AP4E1: variants seen among roughly 807,000 people sequenced by gnomAD.
AP4E1 encodes the protein adaptor related protein complex 4 subunit epsilon 1.
Under a neutral mutation model 128.2 loss-of-function variants are expected in AP4E1, and 56 were observed. The ratio of observed to expected loss-of-function variants is 0.44; its 90% CI spans 0.35 to 0.55. AP4E1 has a LOEUF of 0.55. Ranked by LOEUF, AP4E1 falls within the 20% of genes least tolerant of loss-of-function variation. The pLI is 0.00. For synonymous variants in AP4E1, 484 were observed against 473.1 expected, an observed-to-expected ratio of 1.02 and a Z score of -0.30; for missense variants, 1,324 against 1,307.7, an observed-to-expected ratio of 1.01 and a Z score of -0.19.
upstream of AP4E1, among the ~76,000 whole-genome samples, chr15:50,908,082 C>T (rs957302367): frequency 6.6e-6 from 1 of 152,216 alleles, no homozygotes; most frequent in African/African-American, 2.4e-5. Context: ...GGCCGCCGAC[C>T]AGTTCTCTTT....
chr15:50,914,424 G>T lies in AP4E1; in HGVS notation c.223-1024G>T, dbSNP rs183931410. Among the ~76,000 whole-genome samples the T allele has an allele frequency of 5.3e-5, 8 of 152,178 alleles. No individual in the cohort carries two copies. The South Asian group carries it at 1.7e-3, about 32-fold the overall frequency. ...CCGGCAATTTGTGGGGCTGAGGTGGGTGGATCATTTGAGGTCAAGAGTTTG... is the reference window on the plus strand; with the variant it reads ...CCGGCAATTTGTGGGGCTGAGGTGGTTGGATCATTTGAGGTCAAGAGTTTG... On this transcript the variant is annotated intron_variant, in intron 2 of 20. Coordinates refer to ENST00000261842, the MANE Select transcript of AP4E1 (RefSeq NM_007347.5).
intron 17 of AP4E1, among the ~76,000 whole-genome samples, chr15:50,995,509 C>G (rs1390229740): frequency 6.6e-6 from 1 of 151,662 alleles, no homozygotes; most frequent in Non-Finnish European, 1.5e-5. Flanking sequence ...TCTCAGTCTC[C>G]CCAGTAGCTG....
intron 4 of AP4E1, among the ~76,000 whole-genome samples, chr15:50,924,206 A>G (rs1187287688): frequency 6.6e-6 from 1 of 152,194 alleles, no homozygotes; most frequent in Non-Finnish European, 1.5e-5. Context: ...TAAATGAAAT[A>G]CTATGTGAAG....
intron 15 of AP4E1, among the ~76,000 whole-genome samples, chr15:50,975,363 C>A (rs1432532948): frequency 6.6e-6 from 1 of 152,182 alleles, no homozygotes; most frequent in Non-Finnish European, 1.5e-5. Context: ...TGAGATTGTA[C>A]CATTGCACTC....
rs1283418845 is a variant in AP4E1 at position 50,923,923 on chromosome 15, T to C, written c.347-8T>C. ...TTAGTAATCAGACTTTTCCCTCAAC[T>C]TTTATAGGTTATTTGGCTGTTTCCT... On this transcript the variant is annotated splice_region_variant and splice_polypyrimidine_tract_variant and intron_variant, in intron 3 of 20. Transcript: ENST00000261842. 3 of 1,608,828 alleles carry C rather than the reference T, an allele frequency of 1.9e-6. No homozygotes were observed. The highest frequency in any genetic ancestry group is 2.2e-5 in the South Asian group (2 of 90,968).
At chr15:50,964,955 C>CACACACACACACACACACA (rs148432063) in intron 14 of AP4E1, among the ~76,000 whole-genome samples, 1 of 131,368 alleles carries the variant, frequency 7.6e-6, no homozygotes, top group African/African-American at 3.0e-5. Flanking sequence ...CCTCCCCCTA[C>CACACACACACACACACACA]CACACACACA....
intron 14 of AP4E1, among the ~76,000 whole-genome samples, chr15:50,963,318 A>G (rs1313852823): frequency 6.6e-6 from 1 of 152,218 alleles, no homozygotes. Context: ...AGTACTATTC[A>G]CAATAGCCAA....
rs1343646619 is a variant in AP4E1 at position 50,947,243 on chromosome 15, C to G, written c.1177-777C>G. ...CCAGCCTGGGCAACATGGTCGAACT[C>G]CATCTCTATAAAATACCAAAAAATT... On this transcript the variant is annotated intron_variant, in intron 10 of 20. Transcript: ENST00000261842. Among the ~76,000 whole-genome samples, 4 of 151,830 alleles carry G rather than the reference C, an allele frequency of 2.6e-5. No individual in the cohort carries two copies. The East Asian group carries it at 7.7e-4, about 29-fold the overall frequency.
At chr15:50,927,243 C>A (rs2063779885) in intron 5 of AP4E1, among the ~76,000 whole-genome samples, 1 of 152,116 alleles carries the variant, frequency 6.6e-6, no homozygotes. Context: ...AATTTCAAGT[C>A]CTGGCTAGAG....
intron 17 of AP4E1, among the ~76,000 whole-genome samples, chr15:50,993,988 C>G (rs902671771): frequency 6.6e-6 from 1 of 152,156 alleles, no homozygotes; most frequent in African/African-American, 2.4e-5. Context: ...ATTGATATAT[C>G]TTTGTAAAAA....
chr15:51,001,206 T>C, intron 20 of AP4E1, 23 bp downstream of exon 20: 4 of 1,605,606 alleles, frequency 2.5e-6, no homozygotes, highest in Non-Finnish European at 3.4e-6. Context: ...ATAAAAAGGC[T>C]ATTCTGTGTT....
At chr15:50,970,710 A>G (rs1039443287) in intron 15 of AP4E1, among the ~76,000 whole-genome samples, 2 of 151,970 alleles carry the variant, frequency 1.3e-5, no homozygotes, top group African/African-American at 4.8e-5. Flanking sequence ...ATTTGTCTGG[A>G]ACGTCTTTTT....
rs1188802217 is a variant in AP4E1 at position 50,999,090 on chromosome 15, T to G, written c.2923T>G (p.Cys975Gly). The G allele has an allele frequency of 6.2e-7, 1 of 1,613,936 alleles. No individual in the cohort carries two copies. Among genetic ancestry groups the G allele is most frequent in the Non-Finnish European group, 8.5e-7 (1 of 1,179,960 alleles). ...ENFKVTEQPG[C>G]CLPVMEAEST... ...TTTGCAGGTGACTGAGCAACCTGGA[T>G]GCTGTTTGCCTGTAATGGAAGCAGA... Residue 975 changes from cysteine (C) to glycine (G), a missense_variant, in exon 19 of 21, where the codon TGC becomes GGC. Coordinates refer to ENST00000261842, the MANE Select transcript of AP4E1 (RefSeq NM_007347.5).
intron 14 of AP4E1, among the ~76,000 whole-genome samples, chr15:50,961,050 A>T (rs1045074149): frequency 6.6e-6 from 1 of 152,122 alleles, no homozygotes; most frequent in African/African-American, 2.4e-5. Flanking sequence ...TCCTGGACAC[A>T]TCTACCAAGA....
chr15:50,983,419 G>A (rs1329978276), intron 15 of AP4E1, among the ~76,000 whole-genome samples: 1 of 152,190 alleles, frequency 6.6e-6, no homozygotes, highest in African/African-American at 2.4e-5. Context: ...TCTCTGGGTG[G>A]TCATGATCTA....
rs183404243 is a variant in AP4E1, at chr15:50,988,224, G to T, written c.2090+4079G>T. Reference sequence around the variant, plus strand: ...AAACCCATTATAAATTGAAAATATCGTAAGTCAGAAGTGATCTACCAAACA... The same window carrying T: ...AAACCCATTATAAATTGAAAATATCTTAAGTCAGAAGTGATCTACCAAACA... On this transcript the variant is annotated intron_variant, in intron 16 of 20. Transcript: ENST00000261842. Among the ~76,000 whole-genome samples, 13 of 152,274 alleles carry T rather than the reference G, an allele frequency of 8.5e-5. No individual in the cohort carries two copies. In the East Asian group the frequency reaches 2.5e-3, roughly 29 times the overall value.
At chr15:50,976,701 A>G (rs1026035202) in intron 15 of AP4E1, among the ~76,000 whole-genome samples, 2 of 152,262 alleles carry the variant, frequency 1.3e-5, no homozygotes, top group African/African-American at 4.8e-5. Flanking sequence ...TCAACATGCA[A>G]AAATTATTTG....
chr15:50,921,371 C>G (rs968261447), intron 3 of AP4E1, among the ~76,000 whole-genome samples: 2 of 151,184 alleles, frequency 1.3e-5, no homozygotes, highest in Non-Finnish European at 1.5e-5. Context: ...TTTTTTGAGA[C>G]AGAGTCTTGT....
intron 3 of AP4E1, among the ~76,000 whole-genome samples, chr15:50,923,122 G>A (rs2063726729): frequency 6.6e-6 from 1 of 152,142 alleles, no homozygotes; most frequent in African/African-American, 2.4e-5. Context: ...TCATTGTGTG[G>A]TTATGAGGAT....
Sources: gnomAD v4.1 joint callset for allele counts (sites outside exome capture counted in the v4.1 genomes callset) on GRCh38, gnomAD v4.1.1 for gene constraint, MANE v1.5 for transcripts, NCBI Gene and HGNC (gene_info 2026-07-23, HGNC 2026-07-21) for gene names.